Variants in AUTS2 observed in about 807,000 individuals in gnomAD.
The protein encoded by AUTS2 is activator of transcription and developmental regulator AUTS2, also known as autism susceptibility gene 2 protein.
AUTS2 carries 17 observed loss-of-function variants against 112.4 expected under a neutral mutation model. That is an observed-to-expected ratio of 0.15 (90% confidence interval 0.10 to 0.23). AUTS2 has a LOEUF of 0.23. AUTS2 is among the 10% of genes least tolerant of loss of function. The probability of loss-of-function intolerance (pLI) is 1.00; values close to 1 mark genes in which losing one functional copy is unlikely to be tolerated. For synonymous variants in AUTS2, 751 were observed against 702.7 expected (o/e 1.07, Z -1.09); for missense variants, 1,510 against 1,701.6 (o/e 0.89, Z 1.98).
rs1044808329 is a variant in AUTS2, at chr7:70,694,802, G to T, written c.691-3767G>T. On this transcript the variant is annotated intron_variant, in intron 5 of 18. Transcript: ENST00000342771. This position sits in a 1 kb window ranked among gnomAD's most constrained non-coding sequence, Gnocchi z 4.1. ...CGCTGGATGTGTGCGCGCGGCGCCGGCTCTCGGTCGCCCCGAAGCTGTTGC... is the reference window on the plus strand; with the variant it reads ...CGCTGGATGTGTGCGCGCGGCGCCGTCTCTCGGTCGCCCCGAAGCTGTTGC... 3 of 151,228 alleles carry T rather than the reference G, an allele frequency of 2.0e-5. No individual in the cohort carries two copies. The South Asian group carries it at 6.2e-4, about 31-fold the overall frequency. 9.4% of individuals were successfully genotyped at this position (151,228 alleles called of 1,614,324 possible).
intron 1 of AUTS2, among the ~76,000 whole-genome samples, chr7:69,776,390 C>T (rs1434931729): frequency 1.3e-5 from 2 of 152,076 alleles, no homozygotes; most frequent in Non-Finnish European, 2.9e-5. Flanking sequence ...TCAGAGAGAG[C>T]ATTCTTGCAG....
intron 5 of AUTS2, among the ~76,000 whole-genome samples, chr7:70,505,138 TC>T (rs901838854): frequency 6.6e-6 from 1 of 152,160 alleles, no homozygotes; most frequent in African/African-American, 2.4e-5. Flanking sequence ...CTCCATCCAC[TC>T]AGCGCTCAAT....
intron 1 of AUTS2, among the ~76,000 whole-genome samples, chr7:69,843,925 C>T (rs1216419324): frequency 6.6e-6 from 1 of 152,152 alleles, no homozygotes; most frequent in Non-Finnish European, 1.5e-5. Context: ...TACTTGAGCG[C>T]TCAATGCTGG....
chr7:70,375,724 G>A (rs10259723), intron 4 of AUTS2, among the ~76,000 whole-genome samples: 1 of 152,186 alleles, frequency 6.6e-6, no homozygotes, highest in Non-Finnish European at 1.5e-5. Flanking sequence ...AAGTGTGTAA[G>A]GTGGGGTTGG....
Position 70,715,780 on chromosome 7 carries a change from C to T in AUTS2, c.742+17160C>T, listed in dbSNP as rs192229465. On this transcript the variant is annotated intron_variant, in intron 6 of 18. Transcript: ENST00000342771. ...CCCCTGACCTCAAGCCATCCACCTG[C>T]CCTGTCCTCCCAAAGTGCTGGGATT... 7.2e-5 allele frequency among the ~76,000 whole-genome samples: 11 copies of T among 152,266 alleles called. No individual in the cohort carries two copies. In the East Asian group the frequency reaches 1.9e-3, roughly 27 times the overall value.
chr7:70,164,653 G>T (rs1045622696), intron 4 of AUTS2, among the ~76,000 whole-genome samples: 1 of 152,062 alleles, frequency 6.6e-6, no homozygotes, highest in Non-Finnish European at 1.5e-5. Context: ...TTATCCTGTG[G>T]TGCATCAACA....
At chr7:69,964,937 A>T (rs1797577707) in intron 2 of AUTS2, among the ~76,000 whole-genome samples, 1 of 151,798 alleles carries the variant, frequency 6.6e-6, no homozygotes, top group Admixed American at 6.6e-5. Flanking sequence ...GTACTTGAGT[A>T]ATCCCCTCAC....
intron 4 of AUTS2, among the ~76,000 whole-genome samples, chr7:70,167,368 T>C (rs574453038): frequency 1.3e-5 from 2 of 152,130 alleles, no homozygotes; most frequent in East Asian, 3.9e-4. Context: ...AAAACAAGAA[T>C]TCATCAAGAA....
chr7:70,094,796 G>A (rs531178976), intron 2 of AUTS2, among the ~76,000 whole-genome samples: 1 of 152,208 alleles, frequency 6.6e-6, no homozygotes, highest in Admixed American at 6.5e-5. Flanking sequence ...TTTTTTCTCC[G>A]TGGAATGTTG....
intron 5 of AUTS2, among the ~76,000 whole-genome samples, chr7:70,472,265 G>C (rs761086991): frequency 3.3e-5 from 5 of 152,128 alleles, no homozygotes; most frequent in Non-Finnish European, 7.3e-5. Flanking sequence ...CGATTTATAT[G>C]AGAGAACCCC....
intron 4 of AUTS2, among the ~76,000 whole-genome samples, chr7:70,417,326 G>T (rs768052751): frequency 3.9e-5 from 6 of 152,202 alleles, no homozygotes; most frequent in Non-Finnish European, 8.8e-5. Context: ...AACCATCAGG[G>T]CGCTCAGCTC....
At chr7:69,720,187 G>T (rs188446575) in intron 1 of AUTS2, among the ~76,000 whole-genome samples, 1 of 152,328 alleles carries the variant, frequency 6.6e-6, no homozygotes, top group Non-Finnish European at 1.5e-5. Flanking sequence ...AGCCAGCAGA[G>T]AACAGGAGAC....
chr7:70,516,580 C>T (rs1196365107), intron 5 of AUTS2, among the ~76,000 whole-genome samples: 1 of 152,142 alleles, frequency 6.6e-6, no homozygotes, highest in African/African-American at 2.4e-5. Context: ...TCTCATTGTC[C>T]TGAGCTTTTT....
chr7:70,025,052 A>G (rs1326671509), intron 2 of AUTS2, among the ~76,000 whole-genome samples: 1 of 152,216 alleles, frequency 6.6e-6, no homozygotes, highest in Non-Finnish European at 1.5e-5. Context: ...CTCATCTCAC[A>G]TGCACACAAA....
chr7:70,652,904 T>C (rs1806581856), intron 5 of AUTS2, among the ~76,000 whole-genome samples: 1 of 152,160 alleles, frequency 6.6e-6, no homozygotes, highest in African/African-American at 2.4e-5. Flanking sequence ...GTACATACTC[T>C]TTCCTGATAT....
chr7:69,914,057 G>T (rs1342925707), intron 2 of AUTS2, among the ~76,000 whole-genome samples: 1 of 151,952 alleles, frequency 6.6e-6, no homozygotes, highest in Non-Finnish European at 1.5e-5. Flanking sequence ...TCTGTGTTTT[G>T]CACTCACCTT....
intron 7 of AUTS2, among the ~76,000 whole-genome samples, chr7:70,764,524 A>G (rs1789784686): frequency 1.3e-5 from 2 of 152,076 alleles, no homozygotes; most frequent in Admixed American, 6.5e-5. Flanking sequence ...AAGATGCCCC[A>G]CAGCCCTGAA....
intron 2 of AUTS2, among the ~76,000 whole-genome samples, chr7:69,954,500 G>C (rs1248231762): frequency 6.6e-6 from 1 of 152,196 alleles, no homozygotes; most frequent in Non-Finnish European, 1.5e-5. Flanking sequence ...CTGGAATGCA[G>C]TGGCATGATC....
At chr7:70,426,378 A>G (rs1488479491) in intron 4 of AUTS2, among the ~76,000 whole-genome samples, 5 of 152,208 alleles carry the variant, frequency 3.3e-5, no homozygotes, top group Non-Finnish European at 4.4e-5. Context: ...CGGTTGCTCC[A>G]CTTTAAGGAC....
Sources: gnomAD v4.1 joint callset for allele counts (sites outside exome capture counted in the v4.1 genomes callset) on GRCh38, gnomAD v4.1.1 for gene constraint, Gnocchi (gnomAD v3.1) non-coding constraint, MANE v1.5 for transcripts, NCBI Gene and HGNC (gene_info 2026-07-23, HGNC 2026-07-21) for gene names.